DYNC2H1: variants seen among roughly 807,000 people sequenced by gnomAD.
The protein encoded by DYNC2H1 is cytoplasmic dynein 2 heavy chain 1.
Under a neutral mutation model 570.0 loss-of-function variants are expected in DYNC2H1, and 410 were observed. The observed-to-expected ratio is 0.72, with a 90% CI of 0.66 to 0.78. The LOEUF is 0.78. Ranked by LOEUF, DYNC2H1 falls within the 30% of genes least tolerant of loss-of-function variation. The probability of loss-of-function intolerance (pLI) is 0.00; values close to 1 mark genes in which losing one functional copy is unlikely to be tolerated. For missense variants in DYNC2H1, 4,865 were observed against 5,046.4 expected, an observed-to-expected ratio of 0.96 and a Z score of 1.09; for synonymous variants, 1,688 against 1,677.6, an observed-to-expected ratio of 1.01 and a Z score of -0.15.
chr11:103,436,394 G>T (rs777832922), intron 85 of DYNC2H1, among the ~76,000 whole-genome samples: 1 of 151,862 alleles, frequency 6.6e-6, no homozygotes, highest in Non-Finnish European at 1.5e-5. Context: ...TCTTCAAATT[G>T]ATCAAGTTTT....
At chr11:103,197,235 T>G (rs1372692230) in intron 47 of DYNC2H1, among the ~76,000 whole-genome samples, 1 of 152,120 alleles carries the variant, frequency 6.6e-6, no homozygotes, top group East Asian at 1.9e-4. Flanking sequence ...ATGTGAACTA[T>G]TTTTAATTTA....
At chr11:103,364,214 C>T (rs562522804) in intron 83 of DYNC2H1, among the ~76,000 whole-genome samples, 2 of 152,052 alleles carry the variant, frequency 1.3e-5, no homozygotes, top group East Asian at 1.9e-4. Flanking sequence ...TCAGTAGATT[C>T]TAAGAATTTA....
rs190462901 is a variant in DYNC2H1, at chr11:103,180,388, G to A, written c.6347+1155G>A. On this transcript the variant is annotated intron_variant, in intron 39 of 88. Transcript: ENST00000375735. ...AGGCAAATTTATACAATTTATACAA[G>A]TGGAATATAAGTGAACTAAGCAGTA... is the stretch of plus-strand genomic sequence containing the variant. Among the ~76,000 whole-genome samples the A allele has an allele frequency of 3.0e-4, 46 of 151,738 alleles. 1 individual carries two copies. Among genetic ancestry groups the A allele is most frequent in the Admixed American group, 2.2e-3 (33 of 15,196 alleles).
chr11:103,357,035 A>G (rs1258372165), intron 82 of DYNC2H1, among the ~76,000 whole-genome samples: 1 of 152,152 alleles, frequency 6.6e-6, no homozygotes. Context: ...TTAGACAAAC[A>G]GTGAGATAGC....
intron 1 of DYNC2H1, among the ~76,000 whole-genome samples, chr11:103,110,139 G>T (rs777734279): frequency 2.0e-5 from 3 of 151,882 alleles, no homozygotes; most frequent in Non-Finnish European, 4.4e-5. Flanking sequence ...AGCGATTCTC[G>T]TGCCTCAGCC....
Position 103,256,386 on chromosome 11 carries a change from T to C in DYNC2H1, c.10461+146T>C. The C allele has an allele frequency of 1.2e-6, 1 of 823,780 alleles. No homozygotes were observed. The highest frequency in any genetic ancestry group is 3.2e-5 in the Admixed American group (1 of 31,330). The allele number at this position is 823,780 out of a possible 1,614,324, so 51.0% of individuals were successfully genotyped here. The stretch of plus-strand genomic sequence containing the variant: ...AAAAACATCAGAACATTGGGTTTGA[T>C]TCTAGTTATTGTAGAGAGGGAATTC... On this transcript the variant is annotated intron_variant, in intron 68 of 88. Coordinates refer to ENST00000375735, the MANE Select transcript of DYNC2H1 (RefSeq NM_001377.3). This position sits in a 1 kb window ranked among gnomAD's most constrained non-coding sequence, Gnocchi z 4.0.
rs1944418662 is a variant in DYNC2H1, at chr11:103,446,126, T to C, written c.12457-9060T>C. On this transcript the variant is annotated intron_variant, in intron 85 of 88. Coordinates refer to ENST00000375735, the MANE Select transcript of DYNC2H1 (RefSeq NM_001377.3). The surrounding 1 kb of genome is among the most constrained non-coding windows in gnomAD (Gnocchi z 4.5). ...AAGTTCTAATTTGAACATGATAAGT[T>C]TAGATGTCTTTTAGACATCTTGGTG... Among the ~76,000 whole-genome samples the C allele has an allele frequency of 6.6e-6, 1 of 152,064 alleles. No homozygotes were observed. The highest frequency in any genetic ancestry group is 2.4e-5 in the African/African-American group (1 of 41,396).
In DYNC2H1 at chr11:103,363,598, G is replaced by A. The variant is rs146033737; in HGVS notation, c.12156+5239G>A. 3.8e-3 allele frequency among the ~76,000 whole-genome samples: 585 copies of A among 152,298 alleles called. 5 individuals carry two copies. Among genetic ancestry groups the A allele is most frequent in the African/African-American group, 0.013 (561 of 41,560 alleles). ...GAATTAATGTGTTTATCTTTTAACA[G>A]CTAGAATTTTAGAATTTTCCTGTTA... On this transcript the variant is annotated intron_variant, in intron 83 of 88. Coordinates refer to ENST00000375735, the MANE Select transcript of DYNC2H1 (RefSeq NM_001377.3). This position sits in a 1 kb window ranked among gnomAD's most constrained non-coding sequence, Gnocchi z 5.6.
In DYNC2H1 at chr11:103,435,930, T is replaced by G; in HGVS notation, c.12367-13T>G. The stretch of plus-strand genomic sequence containing the variant: ...TATACACAAACTTAATTTTGACCCT[T>G]TTTAAATTGCAGTGTCCTCTCGCAT... On this transcript the variant is annotated splice_polypyrimidine_tract_variant and intron_variant, in intron 84 of 88. Coordinates refer to ENST00000375735, the MANE Select transcript of DYNC2H1 (RefSeq NM_001377.3). 2 of 1,611,258 alleles carry G rather than the reference T, an allele frequency of 1.2e-6. No individual in the cohort carries two copies. The highest frequency in any genetic ancestry group is 1.7e-5 in the Admixed American group (1 of 59,710).
chr11:103,147,503 A>T (rs1392297465), intron 18 of DYNC2H1, among the ~76,000 whole-genome samples: 1 of 152,172 alleles, frequency 6.6e-6, no homozygotes, highest in Non-Finnish European at 1.5e-5. Flanking sequence ...CACTTTACTA[A>T]TTCATAACAT....
At chr11:103,323,005 T>G (rs1259767934) in intron 81 of DYNC2H1, among the ~76,000 whole-genome samples, 1 of 152,194 alleles carries the variant, frequency 6.6e-6, no homozygotes, top group Non-Finnish European at 1.5e-5. Context: ...GCCCCGGACT[T>G]CCTGGAGTCC....
At chr11:103,214,778 G>T (rs1863313087) in intron 54 of DYNC2H1, among the ~76,000 whole-genome samples, 3 of 146,780 alleles carry the variant, frequency 2.0e-5, no homozygotes, top group Admixed American at 2.0e-4. Context: ...ATGAGCATGA[G>T]ATGTCTTTCC....
At chr11:103,380,063 T>G (rs1941575055) in intron 83 of DYNC2H1, among the ~76,000 whole-genome samples, 2 of 152,238 alleles carry the variant, frequency 1.3e-5, no homozygotes, top group South Asian at 2.1e-4. Flanking sequence ...TATAGTTAAT[T>G]ACTAGCTAAA....
intron 43 of DYNC2H1, among the ~76,000 whole-genome samples, chr11:103,187,831 T>G (rs969967600): frequency 6.6e-6 from 1 of 152,088 alleles, no homozygotes; most frequent in Admixed American, 6.6e-5. Flanking sequence ...TCTACATCTA[T>G]TACTTGTCCT....
At chr11:103,258,174 G>A (rs773354750) in intron 69 of DYNC2H1, among the ~76,000 whole-genome samples, 5 of 152,194 alleles carry the variant, frequency 3.3e-5, no homozygotes, top group Non-Finnish European at 7.4e-5. Flanking sequence ...TATCAAGCAT[G>A]TATTCTAATG....
In DYNC2H1 at chr11:103,187,572, G is replaced by A. The variant is rs368559842; in HGVS notation, c.7126G>A (p.Ala2376Thr). 1.2e-6 allele frequency: 2 copies of A among 1,612,710 alleles called. No homozygotes were observed. Among genetic ancestry groups the A allele is most frequent in the Non-Finnish European group, 1.7e-6 (2 of 1,179,250 alleles). ...LDKWGTSTLV[A>T]FLQQVLTYQG... ...TAAATGGGGGACCAGTACTTTGGTA[G>A]CATTCCTACAACAGGTAAGTCATAT... Residue 2376 changes from alanine to threonine, a missense_variant, in exon 43 of 89, where the codon GCA becomes ACA. Coordinates refer to ENST00000375735, the MANE Select transcript of DYNC2H1 (RefSeq NM_001377.3).
At chr11:103,286,556 G>A (rs1390692998) in intron 74 of DYNC2H1, among the ~76,000 whole-genome samples, 170 bp downstream of exon 74, 1 of 152,138 alleles carries the variant, frequency 6.6e-6, no homozygotes, top group Non-Finnish European at 1.5e-5. Flanking sequence ...TCACGCCAAA[G>A]TTTCTGGGTC....
chr11:103,339,788 C>G (rs1939350252), intron 82 of DYNC2H1, among the ~76,000 whole-genome samples: 1 of 152,188 alleles, frequency 6.6e-6, no homozygotes, highest in African/African-American at 2.4e-5. Context: ...ATTAGAGGCC[C>G]AGGCCACTTT....
intron 84 of DYNC2H1, chr11:103,405,025 C>T (rs980007992): frequency 6.6e-6 from 1 of 151,344 alleles, no homozygotes; most frequent in African/African-American, 2.4e-5. Context: ...TATTATAGCT[C>T]ATACTATGCC....
Sources: allele counts gnomAD v4.1 joint callset (sites outside exome capture counted in the v4.1 genomes callset), GRCh38; gene constraint gnomAD v4.1.1; non-coding constraint Gnocchi (gnomAD v3.1); transcripts MANE v1.5; gene names NCBI Gene and HGNC (gene_info 2026-07-23, HGNC 2026-07-21).